The following NCOR2 variants were observed in gnomAD, a reference collection of about 807,000 sequenced individuals.
NCOR2 encodes the protein CTG repeat protein 26.
A neutral mutation model predicts 262.9 loss-of-function variants in NCOR2; 81 were observed. The observed-to-expected ratio is 0.31, with a 90% CI of 0.26 to 0.37. NCOR2 has a LOEUF of 0.37. NCOR2 is among the 10% of genes least tolerant of loss of function. NCOR2 has a pLI of 1.00. For missense variants in NCOR2, 3,385 were observed against 3,621.4 expected (o/e 0.93, Z 1.68); for synonymous variants, 1,659 against 1,559.3 (o/e 1.06, Z -1.51).
exon 47 of NCOR2, chr12:124,324,860 TG>T (rs889508957): frequency 6.6e-6 from 1 of 152,512 alleles, no homozygotes; most frequent in Non-Finnish European, 1.5e-5. Context: ...TCCGCCCACC[TG>T]GCCTGACTTG....
At chr12:124,537,642 G>C (rs1048427097), upstream of NCOR2, among the ~76,000 whole-genome samples, 1 of 152,198 alleles carries the variant, frequency 6.6e-6, no homozygotes, top group Non-Finnish European at 1.5e-5. Context: ...ACTCCAGTGT[G>C]TGCCACTCCA....
intron 1 of NCOR2, among the ~76,000 whole-genome samples, chr12:124,528,509 G>A (rs562120402): frequency 1.9e-4 from 29 of 152,290 alleles, no homozygotes; most frequent in Admixed American, 1.8e-3. Flanking sequence ...CTCCCCGGAA[G>A]GCAGGTGTGG....
chr12:124,564,288 G>A (rs2052162886), intron 1 of NCOR2, among the ~76,000 whole-genome samples: 1 of 152,172 alleles, frequency 6.6e-6, no homozygotes, highest in African/African-American at 2.4e-5. Flanking sequence ...CAGACCTTCT[G>A]TCACCCTTGG....
At chr12:124,486,860 TG>T (rs1301581497) in intron 1 of NCOR2, among the ~76,000 whole-genome samples, 1 of 152,152 alleles carries the variant, frequency 6.6e-6, no homozygotes, top group African/African-American at 2.4e-5. Flanking sequence ...CTGCCAAGCC[TG>T]GGAGGTCTGA....
exon 2 of NCOR2, chr12:124,486,560 C>G (rs748657853): frequency 1.9e-6 from 3 of 1,574,816 alleles, no homozygotes; most frequent in Non-Finnish European, 2.6e-6. Context: ...ACTCCAGGAG[C>G]CCGACGTCCT....
chr12:124,558,262 A>ACCCCGCCCCAAGGCCCC, intron 1 of NCOR2, among the ~76,000 whole-genome samples: 1 of 101,038 alleles, frequency 9.9e-6, no homozygotes, highest in Admixed American at 1.0e-4. Context: ...CAACTCTCCC[A>ACCCCGCCCCAAGGCCCC]CCCACCCCCC....
Position 124,437,922 on chromosome 12 carries a change from G to A in NCOR2, c.882+8C>T. 1 of 1,610,596 alleles carries A rather than the reference G, an allele frequency of 6.2e-7. No individual in the cohort carries two copies. The highest frequency in any genetic ancestry group is 8.5e-7 in the Non-Finnish European group (1 of 1,178,280). On this transcript the variant is annotated splice_region_variant and intron_variant, in intron 8 of 46. Coordinates refer to ENST00000405201, the Ensembl canonical transcript of NCOR2. ...GGAAAGCTGATGGGGGCCACGGTGT[G>A]GACTTACCCATTGTTTCCGAGCGTG...
chr12:124,382,837 A>C (rs139546800), intron 17 of NCOR2, among the ~76,000 whole-genome samples: 1,820 of 152,376 alleles, frequency 0.012, 22 homozygotes, highest in Non-Finnish European at 0.017. Context: ...CTTTACAAAA[A>C]GAAACACACT....
In NCOR2 at chr12:124,375,452, C is replaced by A. The variant is rs144356706; in HGVS notation, c.2168-989G>T. Among the ~76,000 whole-genome samples, 1,445 of 152,314 alleles carry A rather than the reference C, an allele frequency of 9.5e-3. 6 individuals carry two copies. The highest frequency in any genetic ancestry group is 0.016 in the Non-Finnish European group (1,119 of 68,018). On this transcript the variant is annotated intron_variant, in intron 18 of 46. Coordinates refer to ENST00000405201, the Ensembl canonical transcript of NCOR2. ...ATGCCCCGAGGTTTCTGATTCAGTACGTGTGGACTGGGGCCCAAGAATCAG... is the reference window on the plus strand; with the variant it reads ...ATGCCCCGAGGTTTCTGATTCAGTAAGTGTGGACTGGGGCCCAAGAATCAG...
At chr12:124,372,322 G>T (rs769939333) in exon 20 of NCOR2, 1 of 1,525,976 alleles carries the variant, frequency 6.6e-7, no homozygotes, top group Non-Finnish European at 8.8e-7. Context: ...CTCCTCCACT[G>T]GGGGCGCTGC....
Position 124,378,118 on chromosome 12 carries a change from C to CT in NCOR2, c.2167+118dup. 1 of 1,511,476 alleles carries CT rather than the reference C, an allele frequency of 6.6e-7. No homozygotes were observed. The highest frequency in any genetic ancestry group is 8.8e-7 in the Non-Finnish European group (1 of 1,134,422). 93.6% of individuals were successfully genotyped at this position (1,511,476 alleles called of 1,614,324 possible). ...ACCTTCCAGGGAGTCGAGGCCCCTT[C>CT]TAAGGAGGACCCAGATGACTCAGGG... On this transcript the variant is annotated intron_variant, in intron 18 of 46. Coordinates refer to ENST00000405201, the Ensembl canonical transcript of NCOR2. This position sits in a 1 kb window ranked among gnomAD's most constrained non-coding sequence, Gnocchi z 4.2.
chr12:124,346,834 G>T lies in NCOR2; in HGVS notation c.4089C>A (p.Tyr1363Ter). 6.3e-7 allele frequency: 1 copy of T among 1,578,482 alleles called. No individual in the cohort carries two copies. The highest frequency in any genetic ancestry group is 1.8e-5 in the Admixed American group (1 of 55,628). Reference sequence around the variant, plus strand: ...GCAGGTAGTCCTCCTGTGCCTCCACGTAGGACCGAGGGATCCCTGCCGGGC... The same window carrying T: ...GCAGGTAGTCCTCCTGTGCCTCCACTTAGGACCGAGGGATCCCTGCCGGGC... The change falls in exon 31 of 47, where the codon TAC (tyrosine) becomes TAA (stop). Residue 1363 changes from tyrosine to a stop codon, truncating the protein, a stop_gained. Transcript: ENST00000405201. LOFTEE classifies it high-confidence loss of function.
rs142513345 is a variant in NCOR2 at position 124,370,543 on chromosome 12, T to C, written c.2807+1479A>G. On this transcript the variant is annotated intron_variant, in intron 20 of 46. Coordinates refer to ENST00000405201, the Ensembl canonical transcript of NCOR2. ...GGGGAGAAAACAGACCACACTGTAG[T>C]TGAAATAAAATGGCCTGCCTGCCCC... 9.6e-3 allele frequency among the ~76,000 whole-genome samples: 1,459 copies of C among 152,060 alleles called. 6 individuals carry two copies. Among genetic ancestry groups the C allele is most frequent in the Non-Finnish European group, 0.017 (1,129 of 67,968 alleles).
At chr12:124,344,889 G>C (rs759581168) in exon 32 of NCOR2, 1 of 1,582,246 alleles carries the variant, frequency 6.3e-7, no homozygotes, top group Admixed American at 1.8e-5. Flanking sequence ...CGATGAGGGA[G>C]CGTACGTCGT....
chr12:124,333,861 T>TGC (rs778362991), intron 41 of NCOR2, among the ~76,000 whole-genome samples: 7 of 141,048 alleles, frequency 5.0e-5, no homozygotes, highest in South Asian at 2.3e-4. Context: ...TGTGCATGTG[T>TGC]GTGTGCGCAT....
intron 28 of NCOR2, among the ~76,000 whole-genome samples, chr12:124,349,280 G>A (rs375543076): frequency 5.7e-4 from 87 of 152,292 alleles, no homozygotes; most frequent in African/African-American, 1.9e-3. Context: ...CAGGGCAGCC[G>A]AGTCCAGAGC....
rs1566376238 is a variant in NCOR2, at chr12:124,347,792, G to GTGCA, written c.4072+32_4072+33insTGCA. The GTGCA allele has an allele frequency of 1.9e-6, 3 of 1,549,934 alleles. No homozygotes were observed. The Admixed American group carries it at 5.9e-5, about 30-fold the overall frequency. On this transcript the variant is annotated intron_variant, in intron 30 of 46. Coordinates refer to ENST00000405201, the Ensembl canonical transcript of NCOR2. ...GCCCTGCGTGACTGTACACCCGTTG[G>GTGCA]GGGCAACGAGGGAGCAGGGAACAGG... is the stretch of plus-strand genomic sequence containing the variant.
At chr12:124,565,265 C>A (rs2052198814) in intron 1 of NCOR2, among the ~76,000 whole-genome samples, 1 of 152,140 alleles carries the variant, frequency 6.6e-6, no homozygotes. Context: ...CATGTCTGGG[C>A]ACCGGCACCA....
intron 8 of NCOR2, among the ~76,000 whole-genome samples, chr12:124,434,421 C>A (rs186984545): frequency 1.7e-3 from 258 of 152,290 alleles, no homozygotes; most frequent in Non-Finnish European, 3.0e-3. Flanking sequence ...CAAAGCCACA[C>A]CGGACCCTTC....
Sources: gnomAD v4.1 joint callset for allele counts (sites outside exome capture counted in the v4.1 genomes callset) on GRCh38, gnomAD v4.1.1 for gene constraint, Gnocchi (gnomAD v3.1) non-coding constraint, MANE v1.5 for transcripts, NCBI Gene and HGNC (gene_info 2026-07-23, HGNC 2026-07-21) for gene names.